RBFOX1: variants seen among roughly 807,000 people sequenced by gnomAD.
The protein encoded by RBFOX1 is RNA binding fox-1 homolog 1, also known as RNA binding protein fox-1 homolog 1.
Under a neutral mutation model 57.7 loss-of-function variants are expected in RBFOX1, and 8 were observed. The observed-to-expected ratio is 0.14, with a 90% CI of 0.08 to 0.25. RBFOX1 has a LOEUF of 0.25. Among genes scored for constraint, RBFOX1 ranks in the 10% least tolerant of loss-of-function variants. RBFOX1 has a pLI of 1.00. For synonymous variants in RBFOX1, 326 were observed against 222.4 expected (o/e 1.47, Z -4.15); for missense variants, 611 against 548.5 (o/e 1.11, Z -1.14).
At chr16:5,876,468 C>G (rs554360525) in intron 4 of RBFOX1, among the ~76,000 whole-genome samples, 1 of 152,142 alleles carries the variant, frequency 6.6e-6, no homozygotes, top group East Asian at 1.9e-4. Context: ...AAAGTGAAGT[C>G]AGGAGTCACC....
chr16:6,241,618 G>A lies in RBFOX1; in HGVS notation c.-126-75377G>A, dbSNP rs13337594. ...TGTGAATTAGAATGCTCCCAAAGAC[G>A]TGGTGTTAAATAGAGTTGCAACTAC... On this transcript the variant is annotated intron_variant, in intron 1 of 15. Transcript: ENST00000550418. 1.9e-4 allele frequency among the ~76,000 whole-genome samples: 29 copies of A among 152,270 alleles called. 1 individual carries two copies. In the South Asian group the frequency reaches 4.4e-3, roughly 23 times the overall value.
intron 3 of RBFOX1, among the ~76,000 whole-genome samples, chr16:6,709,918 G>A (rs752821533): frequency 2.0e-5 from 3 of 152,122 alleles, no homozygotes; most frequent in Non-Finnish European, 4.4e-5. Flanking sequence ...CTGTTCTAAC[G>A]GGGCCCTTTT....
chr16:7,062,978 A>C (rs910096009), intron 4 of RBFOX1, among the ~76,000 whole-genome samples: 1 of 134,814 alleles, frequency 7.4e-6, no homozygotes, highest in Non-Finnish European at 1.5e-5. Flanking sequence ...AAGAATCCCT[A>C]CTGATACACT....
chr16:5,922,076 A>C (rs753091288), intron 4 of RBFOX1, among the ~76,000 whole-genome samples: 17 of 152,216 alleles, frequency 1.1e-4, no homozygotes, highest in Non-Finnish European at 2.2e-4. Flanking sequence ...TAGGAGGATC[A>C]CTTGAGTCCA....
intron 1 of RBFOX1, among the ~76,000 whole-genome samples, chr16:6,277,076 C>G (rs957543152): frequency 9.9e-5 from 15 of 152,124 alleles, no homozygotes; most frequent in African/African-American, 2.9e-4. Flanking sequence ...AAACTAAAAA[C>G]AATCCCATCT....
chr16:5,429,265 G>C (rs2067657761), intron 1 of RBFOX1, among the ~76,000 whole-genome samples: 1 of 152,226 alleles, frequency 6.6e-6, no homozygotes, highest in Non-Finnish European at 1.5e-5. Flanking sequence ...CAGGTATTCA[G>C]CTCTCTGGGA....
intron 2 of RBFOX1, among the ~76,000 whole-genome samples, chr16:6,575,637 C>A (rs2097422444): frequency 6.6e-6 from 1 of 152,084 alleles, no homozygotes; most frequent in Admixed American, 6.6e-5. Flanking sequence ...GTGGGCAGAT[C>A]ACCTGAGGTC....
chr16:5,476,445 C>G (rs2069326903), intron 2 of RBFOX1, among the ~76,000 whole-genome samples: 4 of 152,180 alleles, frequency 2.6e-5, no homozygotes, highest in Admixed American at 2.6e-4. Flanking sequence ...GTTCTCCCTA[C>G]TTAATTGACA....
At chr16:6,932,584 C>G (rs915422148) in intron 3 of RBFOX1, among the ~76,000 whole-genome samples, 2 of 152,132 alleles carry the variant, frequency 1.3e-5, no homozygotes, top group Admixed American at 1.3e-4. Context: ...GGTCGTAGGC[C>G]TCACTTCCTC....
At chr16:6,892,816 CTCTCTCTCTCTA>C (rs1596372298) in intron 3 of RBFOX1, among the ~76,000 whole-genome samples, 17 of 101,736 alleles carry the variant, frequency 1.7e-4, no homozygotes, top group South Asian at 6.2e-4. Context: ...CTCTCTCTCT[CTCTCTCTCTCTA>C]TTCTGCTTCA....
At chr16:6,958,396 C>T (rs948182121) in intron 3 of RBFOX1, among the ~76,000 whole-genome samples, 2 of 152,064 alleles carry the variant, frequency 1.3e-5, no homozygotes, top group South Asian at 2.1e-4. Flanking sequence ...CAGCATATTT[C>T]CCCCCCTTTT....
At chr16:6,295,234 G>C (rs1301396417) in intron 1 of RBFOX1, among the ~76,000 whole-genome samples, 1 of 151,128 alleles carries the variant, frequency 6.6e-6, no homozygotes, top group Admixed American at 6.6e-5. Context: ...AGTGATTGTC[G>C]TGCCTCAGCC....
At chr16:6,770,370 G>A (rs1007996087) in intron 3 of RBFOX1, among the ~76,000 whole-genome samples, 1 of 152,024 alleles carries the variant, frequency 6.6e-6, no homozygotes, top group East Asian at 1.9e-4. Flanking sequence ...GCAGCCTGTG[G>A]GCCACATTTA....
Position 5,281,925 on chromosome 16 carries a change from A to T in RBFOX1, c.219+41820A>T, listed in dbSNP as rs559097903. 2.1e-4 allele frequency among the ~76,000 whole-genome samples: 32 copies of T among 152,262 alleles called. 1 individual carries two copies. The South Asian group carries it at 6.0e-3, about 29-fold the overall frequency. ...TAACCCATATTCGAAGTTATTATTG[A>T]TAGGTGAGGACTTATTCCTGTCATT... On this transcript the variant is annotated intron_variant, in intron 1 of 2. Coordinates refer to the RBFOX1 transcript ENST00000585867.
intron 4 of RBFOX1, among the ~76,000 whole-genome samples, chr16:7,450,362 C>G (rs1403664648): frequency 2.4e-5 from 3 of 127,196 alleles, no homozygotes; most frequent in African/African-American, 3.1e-5. Context: ...CCATTGCACT[C>G]CAGCCTGGCG....
At chr16:6,803,359 G>A (rs1419079160) in intron 3 of RBFOX1, among the ~76,000 whole-genome samples, 8 of 152,134 alleles carry the variant, frequency 5.3e-5, no homozygotes, top group Non-Finnish European at 1.0e-4. Context: ...GCCTCCAGCC[G>A]TACAGAGAAG....
At chr16:6,589,250 G>A (rs2097675838) in intron 2 of RBFOX1, among the ~76,000 whole-genome samples, 1 of 152,188 alleles carries the variant, frequency 6.6e-6, no homozygotes, top group East Asian at 1.9e-4. Flanking sequence ...CTTGCCTGCT[G>A]CCTAGACAAA....
chr16:7,030,518 G>C (rs1279111940), intron 3 of RBFOX1, among the ~76,000 whole-genome samples: 1 of 152,068 alleles, frequency 6.6e-6, no homozygotes, highest in East Asian at 1.9e-4. Context: ...GGCGTTCCTT[G>C]GTTTGTGGCC....
At chr16:6,634,568 A>G (rs2098415884) in intron 2 of RBFOX1, among the ~76,000 whole-genome samples, 1 of 147,760 alleles carries the variant, frequency 6.8e-6, no homozygotes, top group Admixed American at 6.8e-5. Context: ...AGTATATTAC[A>G]TATTTAAAGT....
Sources: gnomAD v4.1 joint callset for allele counts (sites outside exome capture counted in the v4.1 genomes callset) on GRCh38, gnomAD v4.1.1 for gene constraint, MANE v1.5 for transcripts, NCBI Gene and HGNC (gene_info 2026-07-23, HGNC 2026-07-21) for gene names.